Variants in ZNF407 observed in about 807,000 individuals in gnomAD.
ZNF407 encodes zinc finger protein 407.
ZNF407 carries 17 observed loss-of-function variants against 131.2 expected under a neutral mutation model. That is an observed-to-expected ratio of 0.13 (90% CI 0.09 to 0.19). The LOEUF is 0.19. ZNF407 is among the 10% of genes least tolerant of loss of function. ZNF407 has a pLI of 1.00. For synonymous variants in ZNF407, 1,156 were observed against 1,062.0 expected, an observed-to-expected ratio of 1.09 and a Z score of -1.72; for missense variants, 2,681 against 2,830.6, an observed-to-expected ratio of 0.95 and a Z score of 1.20.
intron 3 of ZNF407, among the ~76,000 whole-genome samples, chr18:74,664,443 C>T (rs570360903): frequency 1.2e-3 from 177 of 152,126 alleles, no homozygotes; most frequent in African/African-American, 3.9e-3. Context: ...TGCAGTGAGC[C>T]GAGATTGTGC....
chr18:74,816,724 T>G (rs1008524512), intron 4 of ZNF407, among the ~76,000 whole-genome samples: 4 of 152,232 alleles, frequency 2.6e-5, no homozygotes, highest in African/African-American at 9.6e-5. Flanking sequence ...GTACCTAATC[T>G]GTATAAATTG....
intron 3 of ZNF407, among the ~76,000 whole-genome samples, chr18:74,720,975 G>A (rs1968020664): frequency 6.7e-6 from 1 of 149,902 alleles, no homozygotes; most frequent in African/African-American, 2.5e-5. Flanking sequence ...TGACTATTCA[G>A]GGTCTTTTGT....
chr18:74,979,488 C>T (rs560058770), intron 8 of ZNF407, among the ~76,000 whole-genome samples: 22 of 152,226 alleles, frequency 1.4e-4, no homozygotes, highest in East Asian at 3.9e-4. Context: ...GACGGGGTTT[C>T]GCCATGTTGG....
chr18:74,902,837 A>G (rs1971546998), intron 7 of ZNF407, among the ~76,000 whole-genome samples: 1 of 152,212 alleles, frequency 6.6e-6, no homozygotes, highest in African/African-American at 2.4e-5. Flanking sequence ...ACTCTTGCCT[A>G]TGGCAACGTA....
chr18:74,641,552 A>G (rs1984719256), intron 3 of ZNF407, among the ~76,000 whole-genome samples: 1 of 152,224 alleles, frequency 6.6e-6, no homozygotes, highest in Admixed American at 6.5e-5. Flanking sequence ...TAAGGAAAGC[A>G]ACAAAAGATT....
At chr18:75,017,360 A>C (rs369227532) in intron 8 of ZNF407, among the ~76,000 whole-genome samples, 1 of 152,154 alleles carries the variant, frequency 6.6e-6, no homozygotes, top group African/African-American at 2.4e-5. Flanking sequence ...GGTTAATAAT[A>C]TATGTCAGCT....
chr18:74,728,607 C>T (rs1311265702), intron 3 of ZNF407, among the ~76,000 whole-genome samples: 2 of 152,168 alleles, frequency 1.3e-5, no homozygotes, highest in Admixed American at 6.5e-5. Flanking sequence ...GGTGGGCCAC[C>T]TACCTCCACC....
chr18:74,602,626 A>G (rs1255633266), intron 1 of ZNF407, among the ~76,000 whole-genome samples: 1 of 152,186 alleles, frequency 6.6e-6, no homozygotes, highest in African/African-American at 2.4e-5. Context: ...TTATTGATTT[A>G]TGGGACACTC....
intron 4 of ZNF407, among the ~76,000 whole-genome samples, chr18:74,809,307 T>C (rs1970159990): frequency 6.6e-6 from 1 of 152,242 alleles, no homozygotes; most frequent in Non-Finnish European, 1.5e-5. Context: ...GCAAAAGTTA[T>C]TGTCACTCTC....
At chr18:74,904,853 A>G (rs746816038) in intron 7 of ZNF407, among the ~76,000 whole-genome samples, 20 of 152,206 alleles carry the variant, frequency 1.3e-4, no homozygotes, top group African/African-American at 2.2e-4. Flanking sequence ...TGGCATATCA[A>G]TATGTAAGTT....
chr18:75,003,654 G>C (rs1408084983), intron 8 of ZNF407, among the ~76,000 whole-genome samples: 1 of 152,164 alleles, frequency 6.6e-6, no homozygotes, highest in Non-Finnish European at 1.5e-5. Context: ...ACGAATGTAA[G>C]CATGTTCAGG....
At position 74,729,387 on chromosome 18, in the gene ZNF407, T is replaced by C. The variant is rs147790826; in HGVS notation, c.4803-52041T>C. Among the ~76,000 whole-genome samples, 3 of 152,316 alleles carry C rather than the reference T, an allele frequency of 2.0e-5. No homozygotes were observed. In the East Asian group the frequency reaches 5.8e-4, roughly 29 times the overall value. On this transcript the variant is annotated intron_variant, in intron 3 of 8. Coordinates refer to ENST00000299687, the MANE Select transcript of ZNF407 (RefSeq NM_017757.3). ...TTAGCTTGATTTCTGTTATTTTTCTTGTCCATTGATTTTTTAATAAGCCTT... is the reference window on the plus strand; with the variant it reads ...TTAGCTTGATTTCTGTTATTTTTCTCGTCCATTGATTTTTTAATAAGCCTT...
chr18:74,724,799 C>T (rs1283590463), intron 3 of ZNF407, among the ~76,000 whole-genome samples: 3 of 152,112 alleles, frequency 2.0e-5, no homozygotes, highest in African/African-American at 7.2e-5. Context: ...TGGAGGACAT[C>T]TTTGCATATA....
intron 4 of ZNF407, among the ~76,000 whole-genome samples, chr18:74,808,068 C>T (rs182005013): frequency 2.7e-3 from 409 of 151,598 alleles, no homozygotes; most frequent in African/African-American, 9.4e-3. Context: ...GGCTGGAGTT[C>T]GATGGCGCGA....
At chr18:74,863,360 T>C (rs961402571) in intron 4 of ZNF407, among the ~76,000 whole-genome samples, 6 of 152,030 alleles carry the variant, frequency 3.9e-5, no homozygotes, top group Non-Finnish European at 7.4e-5. Flanking sequence ...TTATTTGCTA[T>C]GCAGAATATT....
In ZNF407 at chr18:75,018,447, T is replaced by A. The variant is rs955944085; in HGVS notation, c.5429-44703T>A. 7.9e-5 allele frequency among the ~76,000 whole-genome samples: 12 copies of A among 151,986 alleles called. No homozygotes were observed. The South Asian group carries it at 1.9e-3, about 24-fold the overall frequency. On this transcript the variant is annotated intron_variant, in intron 8 of 8. Coordinates refer to ENST00000299687, the MANE Select transcript of ZNF407 (RefSeq NM_017757.3). ...TCTGAAGTTGAACTCCAAACTAAATTCACAGTCTTAAATAATTTTATAAAT... is the reference window on the plus strand; with the variant it reads ...TCTGAAGTTGAACTCCAAACTAAATACACAGTCTTAAATAATTTTATAAAT...
At chr18:74,983,327 G>T (rs969800942) in intron 8 of ZNF407, among the ~76,000 whole-genome samples, 1 of 152,146 alleles carries the variant, frequency 6.6e-6, no homozygotes, top group Non-Finnish European at 1.5e-5. Context: ...GCACAGTCAG[G>T]TGTTATCTTA....
chr18:75,055,667 A>T (rs1973553684), intron 8 of ZNF407, among the ~76,000 whole-genome samples: 1 of 152,206 alleles, frequency 6.6e-6, no homozygotes, highest in East Asian at 1.9e-4. Flanking sequence ...TAAAGTTAGA[A>T]ACCTGCATGA....
At position 74,920,703 on chromosome 18, in the gene ZNF407, G is replaced by C. The variant is rs760755296; in HGVS notation, c.5428+11G>C. ...CTTACCTGCATGCTGGTAAGGGACA[G>C]AAACTGTGAAAACTTGTTTCTAACA... On this transcript the variant is annotated intron_variant, in intron 8 of 8. Transcript: ENST00000299687. 7.6e-6 allele frequency: 12 copies of C among 1,585,768 alleles called. No homozygotes were observed. Among genetic ancestry groups the C allele is most frequent in the Non-Finnish European group, 1.0e-5 (12 of 1,158,436 alleles).
Sources: allele counts gnomAD v4.1 joint callset (sites outside exome capture counted in the v4.1 genomes callset), GRCh38; gene constraint gnomAD v4.1.1; transcripts MANE v1.5; gene names NCBI Gene and HGNC (gene_info 2026-07-23, HGNC 2026-07-21).